The following ADAM11 variants were observed in gnomAD, a reference collection of about 807,000 sequenced individuals.
ADAM11 encodes disintegrin and metalloproteinase domain-containing protein 11.
In ADAM11, 49 loss-of-function variants were observed where a neutral mutation model predicts 119.1. That is an observed-to-expected ratio of 0.41 (90% CI 0.33 to 0.52). The LOEUF is 0.52. Among genes scored for constraint, ADAM11 ranks in the 20% least tolerant of loss-of-function variants. ADAM11 has a pLI of 0.20. For synonymous variants in ADAM11, 364 were observed against 408.0 expected, an observed-to-expected ratio of 0.89 and a Z score of 1.30; for missense variants, 777 against 1,047.5, an observed-to-expected ratio of 0.74 and a Z score of 3.56.
chr17:44,762,969 C>CAAAAA (rs56690757), intron 2 of ADAM11, among the ~76,000 whole-genome samples: 3 of 130,772 alleles, frequency 2.3e-5, no homozygotes, highest in African/African-American at 5.6e-5. Flanking sequence ...CCGTCTCTAC[C>CAAAAA]AAAAAAAAAA....
chr17:44,760,062 C>A (rs1436781723), intron 2 of ADAM11, among the ~76,000 whole-genome samples, 165 bp downstream of exon 2: 1 of 152,202 alleles, frequency 6.6e-6, no homozygotes, highest in East Asian at 1.9e-4. Flanking sequence ...GTGGGGAGCA[C>A]CAGGCCTGCC....
chr17:44,772,390 T>G lies in ADAM11; in HGVS notation c.611-9T>G. On this transcript the variant is annotated splice_polypyrimidine_tract_variant and intron_variant, in intron 7 of 26. Transcript: ENST00000200557. This position sits in a 1 kb window ranked among gnomAD's most constrained non-coding sequence, Gnocchi z 4.5. Reference sequence around the variant, plus strand: ...CGGCTGTGCCCCCCTCACCTGCCCCTCCCCACAGGCTGCCTGTTTGCTGTG... The same window carrying G: ...CGGCTGTGCCCCCCTCACCTGCCCCGCCCCACAGGCTGCCTGTTTGCTGTG... 6.3e-7 allele frequency: 1 copy of G among 1,578,916 alleles called. No homozygotes were observed. The highest frequency in any genetic ancestry group is 8.6e-7 in the Non-Finnish European group (1 of 1,161,446).
Position 44,776,958 on chromosome 17 carries a change from C to T in ADAM11, c.1677C>T (p.Gly559=). The change falls in exon 20 of 27, where the codon GGC becomes GGT. Residue 559 remains glycine (G), a synonymous_variant. Coordinates refer to ENST00000200557, the MANE Select transcript of ADAM11 (RefSeq NM_002390.6). This position sits in a 1 kb window ranked among gnomAD's most constrained non-coding sequence, Gnocchi z 5.2. The part of the protein sequence containing the change: ...TRDRQCQVLW[G]HAAADRFCYE... ...ACCGGCAGTGCCAGGTTCTTTGGGGCCATGGTGAGTCTGGCTAGGGCTGGG... is the reference window on the plus strand; with the variant it reads ...ACCGGCAGTGCCAGGTTCTTTGGGGTCATGGTGAGTCTGGCTAGGGCTGGG... The T allele has an allele frequency of 1.2e-6, 2 of 1,612,260 alleles. No individual in the cohort carries two copies. The highest frequency in any genetic ancestry group is 1.7e-6 in the Non-Finnish European group (2 of 1,178,548).
chr17:44,759,459 C>T (rs993466941), intron 1 of ADAM11, 199 bp downstream of exon 1: 361 of 1,247,348 alleles, frequency 2.9e-4, no homozygotes, highest in Non-Finnish European at 3.5e-4. Context: ...CGCGTCCCTG[C>T]CCCTGCCGCC....
chr17:44,778,057 A>C lies in ADAM11; in HGVS notation c.2176A>C (p.Arg726=), dbSNP rs1282072371. The C allele has an allele frequency of 6.2e-7, 1 of 1,613,032 alleles. No individual in the cohort carries two copies. The highest frequency in any genetic ancestry group is 1.3e-5 in the African/African-American group (1 of 74,840). The change falls in exon 24 of 27, where the codon AGA becomes CGA. Residue 726 remains arginine (R), a synonymous_variant. Transcript: ENST00000200557. ...PTSPPTGETE[R]YKGPSGTNII... is the part of the protein sequence containing the mutation. ...GTCCCCACCCACGGGGGAGACGGAG[A>C]GATATAAAGGTGAGGCTGGAGCTGG...
intron 2 of ADAM11, among the ~76,000 whole-genome samples, chr17:44,768,563 A>C (rs1200322341): frequency 3.3e-5 from 5 of 152,170 alleles, no homozygotes; most frequent in African/African-American, 1.2e-4. Context: ...TCAGATGGGA[A>C]TGGCAGTAAT....
intron 2 of ADAM11, among the ~76,000 whole-genome samples, chr17:44,763,430 AC>A (rs2049412268): frequency 6.6e-6 from 1 of 152,098 alleles, no homozygotes; most frequent in Non-Finnish European, 1.5e-5. Context: ...ACACAGATGC[AC>A]CCTTGCCCTC....
Position 44,775,981 on chromosome 17 carries a change from G to A in ADAM11, c.1486-146G>A. ...GTGGGGAGCGTTCAAGAGGTGGTGG[G>A]AGCAGGGAAATAAGAACAGGCCTGA... On this transcript the variant is annotated intron_variant, in intron 17 of 26. Transcript: ENST00000200557. This position sits in a 1 kb window ranked among gnomAD's most constrained non-coding sequence, Gnocchi z 7.5. 1.0e-6 allele frequency: 1 copy of A among 963,178 alleles called. No individual in the cohort carries two copies. The highest frequency in any genetic ancestry group is 1.6e-6 in the Non-Finnish European group (1 of 632,280). The allele number at this position is 963,178 out of a possible 1,614,324, so 59.7% of individuals were successfully genotyped here. A position where few individuals can be genotyped will look rare whatever the true frequency, so the allele number is the denominator to read the frequency against.
chr17:44,770,214 A>G (rs1250254709), intron 4 of ADAM11, among the ~76,000 whole-genome samples, 166 bp downstream of exon 4: 2 of 152,206 alleles, frequency 1.3e-5, no homozygotes, highest in African/African-American at 2.4e-5. Flanking sequence ...GAGGGTGGAC[A>G]GTGGGCAGCT....
In ADAM11 at chr17:44,779,807, C is replaced by G; in HGVS notation, c.*53C>G. 6.2e-7 allele frequency: 1 copy of G among 1,605,282 alleles called. No homozygotes were observed. Among genetic ancestry groups the G allele is most frequent in the Non-Finnish European group, 8.5e-7 (1 of 1,173,000 alleles). On this transcript the variant is annotated 3_prime_UTR_variant, in exon 27 of 27. Transcript: ENST00000200557. Reference sequence around the variant, plus strand: ...CACCCACCGTCTCGGCCCTGAACCACGAGGCTGCCCCCATCCAGCCACGGA... The same window carrying G: ...CACCCACCGTCTCGGCCCTGAACCAGGAGGCTGCCCCCATCCAGCCACGGA...
At chr17:44,759,983 C>A (rs1311522478) in intron 2 of ADAM11, 86 bp downstream of exon 2, 11 of 1,201,580 alleles carry the variant, frequency 9.2e-6, no homozygotes, top group South Asian at 4.3e-5. Context: ...GTTGGAGTCC[C>A]CCTCAGCAGC....
Position 44,777,258 on chromosome 17 carries a change from A to T in ADAM11, c.1774A>T (p.Ser592Cys), listed in dbSNP as rs1476771717. ...GRKGSGWVQCSKQDVLCGFLL... is the reference protein window; with the variant it reads ...GRKGSGWVQCCKQDVLCGFLL... ...CAAGGGATCTGGCTGGGTCCAGTGC[A>T]GTAAGCAGTGAGTACTGAGGCTCCC... is the stretch of plus-strand genomic sequence containing the variant. The change falls in exon 21 of 27, where the codon AGT becomes TGT. Residue 592 changes from serine to cysteine, a missense_variant. Physicochemically the swap from Ser to Cys is moderately radical, Grantham distance 112. This residue lies in a region of ADAM11 where 348 missense variants were observed against 486.7 expected (regional missense o/e 0.72). Transcript: ENST00000200557. This position sits in a 1 kb window ranked among gnomAD's most constrained non-coding sequence, Gnocchi z 5.1. 6.2e-7 allele frequency: 1 copy of T among 1,604,346 alleles called. No homozygotes were observed.
intron 2 of ADAM11, among the ~76,000 whole-genome samples, chr17:44,766,264 G>A (rs2049449430): frequency 1.3e-5 from 2 of 152,196 alleles, no homozygotes; most frequent in Admixed American, 6.5e-5. Context: ...GTGGTGGGGA[G>A]CAATGGTCTC....
rs35936481 is a variant in ADAM11, at chr17:44,774,361, C to T, written c.1059C>T (p.His353=). ...AYVGGICSLS[H]GGGVNEYGNM... is the part of the protein sequence containing the mutation. ...TGGGGGGCATATGCTCCCTGTCCCA[C>T]GGCGGGGGTGTGAACGAGGTGAGCA... Residue 353 remains histidine (H), a synonymous_variant, in exon 12 of 27, where the codon CAC becomes CAT. Coordinates refer to ENST00000200557, the MANE Select transcript of ADAM11 (RefSeq NM_002390.6). The T allele has an allele frequency of 0.62, 919,536 of 1,484,784 alleles. 286,955 individuals are homozygous for T. Among genetic ancestry groups the T allele is most frequent in the East Asian group, 0.8 (31,756 of 39,838 alleles). 92.0% of individuals were successfully genotyped at this position (1,484,784 alleles called of 1,614,324 possible). A position where few individuals can be genotyped will look rare whatever the true frequency, so the allele number is the denominator to read the frequency against.
chr17:44,773,013 G>T lies in ADAM11; in HGVS notation c.754-1G>T. The T allele has an allele frequency of 6.2e-7, 1 of 1,614,062 alleles. No homozygotes were observed. Among genetic ancestry groups the T allele is most frequent in the Non-Finnish European group, 8.5e-7 (1 of 1,180,014 alleles). On this transcript the variant is annotated splice_acceptor_variant, in intron 9 of 26. Coordinates refer to ENST00000200557, the MANE Select transcript of ADAM11 (RefSeq NM_002390.6). LOFTEE classifies it high-confidence loss of function. The surrounding 1 kb of genome is among the most constrained non-coding windows in gnomAD (Gnocchi z 4.6). Reference sequence around the variant, plus strand: ...CCTCCTCCCATTCTTCTCTCTCCCAGTTCGAGCAGATGCGACAGTCGGTGG... The same window carrying T: ...CCTCCTCCCATTCTTCTCTCTCCCATTTCGAGCAGATGCGACAGTCGGTGG...
intron 25 of ADAM11, 133 bp from the exon 26 acceptor site, chr17:44,779,089 G>A (rs890411514): frequency 1.0e-5 from 12 of 1,156,596 alleles, no homozygotes; most frequent in Admixed American, 5.8e-5. Context: ...CCTTACATTA[G>A]TGTCCAGGCC....
Position 44,780,273 on chromosome 17 carries a change from G to T in ADAM11, c.*519G>T. The stretch of plus-strand genomic sequence containing the variant: ...TGTGGGGATGTTTTGACATTTACAG[G>T]AGGGCCCGGAGAAACTGAGGTATGG... On this transcript the variant is annotated 3_prime_UTR_variant, in exon 27 of 27. Coordinates refer to ENST00000200557, the MANE Select transcript of ADAM11 (RefSeq NM_002390.6). 1 of 412,514 alleles carries T rather than the reference G, an allele frequency of 2.4e-6. No individual in the cohort carries two copies. The highest frequency in any genetic ancestry group is 1.8e-5 in the South Asian group (1 of 56,854). 25.6% of individuals were successfully genotyped at this position (412,514 alleles called of 1,614,324 possible).
chr17:44,759,889 G>C lies in ADAM11; in HGVS notation c.229G>C (p.Gly77Arg). 1.5e-6 allele frequency: 2 copies of C among 1,301,338 alleles called. No individual in the cohort carries two copies. The highest frequency in any genetic ancestry group is 2.0e-6 in the Non-Finnish European group (2 of 1,017,472). The allele number at this position is 1,301,338 out of a possible 1,614,324, so 80.6% of individuals were successfully genotyped here. A position where few individuals can be genotyped will look rare whatever the true frequency, so the allele number is the denominator to read the frequency against. The change falls in exon 2 of 27, where the codon GGG (glycine) becomes CGG (arginine). Residue 77 changes from glycine to arginine, a missense_variant. Gly to Arg is a moderately radical substitution (Grantham distance 125, BLOSUM62 -2). Around this residue, in one of 4 missense-constraint regions of ADAM11, gnomAD observed 278 missense variants for 310.1 expected, o/e 0.90. Transcript: ENST00000200557. ...CACAAGGGTCCGCCAGGAGCCACCAGGGGGCCCGGTGAGTGGGGCTGGGTG... is the reference window on the plus strand; with the variant it reads ...CACAAGGGTCCGCCAGGAGCCACCACGGGGCCCGGTGAGTGGGGCTGGGTG... ...LDTRVRQEPP[G>R]GPPVHLAQVS...
At chr17:44,769,657 C>T (rs2049492539) in intron 2 of ADAM11, 61 bp from the exon 3 acceptor site, 2 of 1,204,284 alleles carry the variant, frequency 1.7e-6, no homozygotes, top group Non-Finnish European at 2.5e-6. Context: ...CCCGGGATCC[C>T]CCCGACTCCC....
Sources: allele counts gnomAD v4.1 joint callset (sites outside exome capture counted in the v4.1 genomes callset), GRCh38; gene constraint gnomAD v4.1.1; regional missense constraint gnomAD v4.1.1; non-coding constraint Gnocchi (gnomAD v3.1); transcripts MANE v1.5; gene names NCBI Gene and HGNC (gene_info 2026-07-23, HGNC 2026-07-21).